The following SAXO1 variants were observed in gnomAD, a reference collection of about 807,000 sequenced individuals.
SAXO1 encodes the protein stabilizer of axonemal microtubules 1.
A neutral mutation model predicts 17.5 loss-of-function variants in SAXO1; 21 were observed. The ratio of observed to expected loss-of-function variants is 1.20; its 90% confidence interval spans 0.85 to 1.72. The LOEUF (loss-of-function observed/expected upper bound fraction) is 1.72, where lower values mean the gene tolerates loss of function less well. Among genes scored for constraint, SAXO1 ranks in the 40% most tolerant of loss-of-function variants. The probability of loss-of-function intolerance (pLI) is 0.00; values close to 1 mark genes in which losing one functional copy is unlikely to be tolerated. For missense variants in SAXO1, 843 were observed against 596.0 expected (o/e 1.41, Z -4.32); for synonymous variants, 274 against 216.5 (o/e 1.27, Z -2.33).
rs111823053 is a variant in SAXO1, at chr9:18,938,855, T to C, written c.421+2782A>G. Among the ~76,000 whole-genome samples, 466 of 150,326 alleles carry C rather than the reference T, an allele frequency of 3.1e-3. 3 individuals are homozygous for C. The highest frequency in any genetic ancestry group is 0.011 in the African/African-American group (433 of 40,844). On this transcript the variant is annotated intron_variant, in intron 3 of 3. Coordinates refer to ENST00000380534, the MANE Select transcript of SAXO1 (RefSeq NM_153707.4). ...GTGTGTGTGTGTGTGTGTGTGTGTA[T>C]GTGTGTGTGTGTTGAGCGGTAAGTA... is the stretch of plus-strand genomic sequence containing the variant.
At chr9:19,000,994 C>G (rs549507703) in intron 1 of SAXO1, among the ~76,000 whole-genome samples, 1 of 152,300 alleles carries the variant, frequency 6.6e-6, no homozygotes, top group East Asian at 1.9e-4. Context: ...TAATGGAAGA[C>G]TTTAACACCC....
intron 1 of SAXO1, among the ~76,000 whole-genome samples, chr9:19,044,872 C>T (rs889012327): frequency 6.6e-6 from 1 of 151,582 alleles, no homozygotes; most frequent in South Asian, 2.1e-4. Flanking sequence ...CAAAAAAAAA[C>T]GAAAGCTGAA....
intron 1 of SAXO1, among the ~76,000 whole-genome samples, chr9:18,989,987 T>C (rs1008621633): frequency 6.6e-6 from 1 of 152,222 alleles, no homozygotes; most frequent in Non-Finnish European, 1.5e-5. Flanking sequence ...GCTATCTTAC[T>C]TGAACCATAA....
intron 1 of SAXO1, among the ~76,000 whole-genome samples, chr9:19,042,955 T>A (rs181159775): frequency 9.9e-5 from 15 of 152,198 alleles, no homozygotes; most frequent in Admixed American, 9.8e-4. Flanking sequence ...GAGGATCACT[T>A]GAGCCCGGGA....
intron 1 of SAXO1, among the ~76,000 whole-genome samples, chr9:19,006,926 C>A (rs914570499): frequency 4.0e-5 from 6 of 151,842 alleles, no homozygotes; most frequent in Non-Finnish European, 7.4e-5. Flanking sequence ...GCACCTGTAA[C>A]CCCAGTTACT....
intron 1 of SAXO1, among the ~76,000 whole-genome samples, chr9:18,997,030 G>A (rs898149678): frequency 2.0e-5 from 3 of 152,252 alleles, no homozygotes; most frequent in Admixed American, 1.3e-4. Flanking sequence ...CGAGACTGAC[G>A]CAGAAGATGG....
At position 18,934,626 on chromosome 9, in the gene SAXO1, T is replaced by G. The variant is rs549592952; in HGVS notation, c.422-5571A>C. Among the ~76,000 whole-genome samples, 57 of 152,370 alleles carry G rather than the reference T, an allele frequency of 3.7e-4. 3 individuals carry two copies. The South Asian group carries it at 7.2e-3, about 19-fold the overall frequency. On this transcript the variant is annotated intron_variant, in intron 3 of 3. Coordinates refer to ENST00000380534, the MANE Select transcript of SAXO1 (RefSeq NM_153707.4). ...TTGACCATATTTATAATAGCTACTT[T>G]GAAATATTTGTCTGCGATGTCCAAC... is the stretch of plus-strand genomic sequence containing the variant.
chr9:18,990,477 A>G (rs1374730936), intron 1 of SAXO1, among the ~76,000 whole-genome samples: 1 of 152,200 alleles, frequency 6.6e-6, no homozygotes, highest in Non-Finnish European at 1.5e-5. Context: ...AGGCCAAGGT[A>G]GGAGAATTGC....
At chr9:18,997,718 G>A (rs1252061989) in intron 1 of SAXO1, among the ~76,000 whole-genome samples, 1 of 152,176 alleles carries the variant, frequency 6.6e-6, no homozygotes, top group Non-Finnish European at 1.5e-5. Context: ...AGTAGGGGCT[G>A]ACAGATACTT....
At chr9:19,044,622 G>C (rs2784244) in intron 1 of SAXO1, among the ~76,000 whole-genome samples, 3 of 152,264 alleles carry the variant, frequency 2.0e-5, no homozygotes, top group Non-Finnish European at 4.4e-5. Context: ...CCAGTACTTT[G>C]GGAGGCTGAG....
At chr9:18,990,433 C>G (rs998979223) in intron 1 of SAXO1, among the ~76,000 whole-genome samples, 1 of 152,124 alleles carries the variant, frequency 6.6e-6, no homozygotes, top group Non-Finnish European at 1.5e-5. Context: ...TAGCAGGACA[C>G]CGTGGCTTAT....
chr9:18,960,686 G>C (rs908668106), intron 1 of SAXO1, among the ~76,000 whole-genome samples: 3 of 152,106 alleles, frequency 2.0e-5, no homozygotes, highest in African/African-American at 7.2e-5. Flanking sequence ...GGGAAGCTAA[G>C]GCAAAAGACA....
At chr9:18,932,029 GTCTT>G (rs765683514) in intron 3 of SAXO1, among the ~76,000 whole-genome samples, 40 of 152,108 alleles carry the variant, frequency 2.6e-4, no homozygotes, top group Non-Finnish European at 4.3e-4. Context: ...TCTTAATGGT[GTCTT>G]TCTAAGTGCC....
chr9:18,989,779 C>T (rs1833739151), intron 1 of SAXO1, among the ~76,000 whole-genome samples: 1 of 152,152 alleles, frequency 6.6e-6, no homozygotes, highest in Non-Finnish European at 1.5e-5. Flanking sequence ...TAGCAGGCAG[C>T]TTTTCATGGT....
intron 2 of SAXO1, among the ~76,000 whole-genome samples, chr9:18,944,316 T>G (rs1831703112): frequency 1.3e-5 from 2 of 152,244 alleles, no homozygotes; most frequent in Non-Finnish European, 2.9e-5. Flanking sequence ...TAATCAGAAT[T>G]TATGTGTTTC....
chr9:19,021,695 C>A (rs1835239772), intron 1 of SAXO1, among the ~76,000 whole-genome samples: 1 of 152,220 alleles, frequency 6.6e-6, no homozygotes, highest in Admixed American at 6.5e-5. Flanking sequence ...GCCAGCTGAG[C>A]TTCTGGGTCA....
At chr9:18,971,569 G>A (rs1832943866) in intron 1 of SAXO1, among the ~76,000 whole-genome samples, 1 of 151,974 alleles carries the variant, frequency 6.6e-6, no homozygotes, top group African/African-American at 2.4e-5. Flanking sequence ...TGATTCTTAG[G>A]GACCTAACTC....
intron 1 of SAXO1, among the ~76,000 whole-genome samples, chr9:18,954,191 G>A (rs759233339): frequency 3.9e-5 from 6 of 152,110 alleles, no homozygotes; most frequent in African/African-American, 2.4e-5. Flanking sequence ...AGGGGTAAAA[G>A]GACATAACAC....
chr9:19,036,443 G>A (rs12339143), upstream of SAXO1, among the ~76,000 whole-genome samples: 1,404 of 152,088 alleles, frequency 9.2e-3, 12 homozygotes, highest in South Asian at 0.025. Flanking sequence ...TCACAGGCCC[G>A]CAGGCCTAGG....
Sources: gnomAD v4.1 joint callset for allele counts (sites outside exome capture counted in the v4.1 genomes callset) on GRCh38, gnomAD v4.1.1 for gene constraint, MANE v1.5 for transcripts, NCBI Gene and HGNC (gene_info 2026-07-23, HGNC 2026-07-21) for gene names.